Variants in ERC1 observed in about 807,000 individuals in gnomAD.
The protein encoded by ERC1 is ELKS/RAB6-interacting/CAST family member 1.
Under a neutral mutation model 132.0 loss-of-function variants are expected in ERC1, and 56 were observed. The ratio of observed to expected loss-of-function variants is 0.42; its 90% confidence interval spans 0.34 to 0.53. The LOEUF (loss-of-function observed/expected upper bound fraction) is 0.53. ERC1 is among the 20% of genes least tolerant of loss of function. The pLI, the probability that ERC1 is intolerant of heterozygous loss-of-function variation, is 0.03. For synonymous variants in ERC1, 478 were observed against 476.1 expected (o/e 1.00, Z -0.05); for missense variants, 1,202 against 1,349.9 (o/e 0.89, Z 1.72).
chr12:1,305,679 A>C (rs1296892624), intron 15 of ERC1, among the ~76,000 whole-genome samples: 1 of 152,192 alleles, frequency 6.6e-6, no homozygotes, highest in Non-Finnish European at 1.5e-5. Context: ...GGGTTCCTTC[A>C]CAATATTTAT....
intron 14 of ERC1, among the ~76,000 whole-genome samples, chr12:1,275,170 G>C (rs1594721334): frequency 6.6e-6 from 1 of 152,096 alleles, no homozygotes. Flanking sequence ...CAGAAGAGCG[G>C]TAAGACTTAT....
At chr12:1,298,916 T>C (rs1336468041) in intron 15 of ERC1, among the ~76,000 whole-genome samples, 1 of 151,752 alleles carries the variant, frequency 6.6e-6, no homozygotes, top group African/African-American at 2.4e-5. Context: ...AGACAAAGAG[T>C]ATTCCCAGAG....
intron 18 of ERC1, among the ~76,000 whole-genome samples, chr12:1,450,381 C>T (rs529481414): frequency 9.2e-5 from 14 of 152,268 alleles, no homozygotes; most frequent in Admixed American, 7.8e-4. Context: ...GTAAGGGTTT[C>T]GTATAAATGG....
chr12:1,019,825 A>G (rs1966071161), intron 1 of ERC1, among the ~76,000 whole-genome samples: 1 of 152,120 alleles, frequency 6.6e-6, no homozygotes, highest in Non-Finnish European at 1.5e-5. Context: ...CACTGTAGCC[A>G]TGAACTCTTG....
chr12:1,115,822 T>C (rs752646745), intron 6 of ERC1, 44 bp from the exon 7 acceptor site: 41 of 1,544,650 alleles, frequency 2.7e-5, no homozygotes, highest in Non-Finnish European at 3.6e-5. Flanking sequence ...AAGAGGTGTT[T>C]GTTTTATTTC....
chr12:1,290,835 GT>G (rs1360313644), intron 15 of ERC1, among the ~76,000 whole-genome samples: 8 of 151,990 alleles, frequency 5.3e-5, no homozygotes, highest in African/African-American at 9.7e-5. Flanking sequence ...CAGAGAATAG[GT>G]TTTTTTCTCC....
At position 1,193,992 on chromosome 12, in the gene ERC1, G is replaced by T. The variant is rs775004732; in HGVS notation, c.2351+3940G>T. Among the ~76,000 whole-genome samples the T allele has an allele frequency of 2.0e-5, 3 of 152,152 alleles. No individual in the cohort carries two copies. In the South Asian group the frequency reaches 6.2e-4, roughly 31 times the overall value. On this transcript the variant is annotated intron_variant, in intron 12 of 18. Transcript: ENST00000360905. ...CAAACAAACCAGAGCTTGAAAAGTC[G>T]TTAGATAAGTAAATAAATTTAGAGT...
chr12:1,444,050 C>T (rs528342026), intron 17 of ERC1: 2 of 152,812 alleles, frequency 1.3e-5, no homozygotes, highest in East Asian at 3.8e-4. Context: ...TCCCTCATCA[C>T]ATCTCTTGGC....
intron 7 of ERC1, among the ~76,000 whole-genome samples, chr12:1,130,819 G>A (rs1234970815): frequency 6.6e-6 from 1 of 152,098 alleles, no homozygotes; most frequent in Non-Finnish European, 1.5e-5. Flanking sequence ...CCATGGCTCA[G>A]TGCCCTTCAC....
At chr12:1,405,330 A>T (rs2091407124) in intron 16 of ERC1, among the ~76,000 whole-genome samples, 1 of 149,634 alleles carries the variant, frequency 6.7e-6, no homozygotes. Flanking sequence ...TGGAGGGAGG[A>T]ATTGACTTTA....
At chr12:1,393,524 C>A (rs11061742) in intron 16 of ERC1, among the ~76,000 whole-genome samples, 2,408 of 150,958 alleles carry the variant, frequency 0.016, 26 homozygotes, top group Non-Finnish European at 0.025. Context: ...ACAGAGGAGA[C>A]CCTGTCTCAA....
intron 15 of ERC1, among the ~76,000 whole-genome samples, chr12:1,296,690 G>T (rs56324058): frequency 6.6e-6 from 1 of 151,914 alleles, no homozygotes; most frequent in Non-Finnish European, 1.5e-5. Flanking sequence ...GTCAGCCACC[G>T]TGCCCAGCCT....
intron 6 of ERC1, among the ~76,000 whole-genome samples, chr12:1,114,419 G>A (rs1362893331): frequency 6.6e-6 from 1 of 152,144 alleles, no homozygotes; most frequent in East Asian, 1.9e-4. Context: ...AGATGATGAC[G>A]AAACAGATTT....
intron 3 of ERC1, among the ~76,000 whole-genome samples, chr12:1,096,913 C>T (rs960657068): frequency 6.6e-6 from 1 of 152,156 alleles, no homozygotes; most frequent in African/African-American, 2.4e-5. Context: ...TTATAGTTAT[C>T]ATGCCTTTGC....
chr12:1,295,257 A>G (rs907863646), intron 15 of ERC1, among the ~76,000 whole-genome samples: 1 of 152,192 alleles, frequency 6.6e-6, no homozygotes, highest in African/African-American at 2.4e-5. Flanking sequence ...CTCAGATTCG[A>G]AAGGTCCCCC....
chr12:1,120,020 CTT>C (rs530553035), intron 7 of ERC1, among the ~76,000 whole-genome samples: 85 of 151,944 alleles, frequency 5.6e-4, no homozygotes, highest in African/African-American at 2.0e-3. Flanking sequence ...CAAGGTTTCA[CTT>C]TGTCATTCAG....
intron 2 of ERC1, among the ~76,000 whole-genome samples, chr12:1,031,879 A>G (rs1443300731): frequency 2.0e-5 from 3 of 152,150 alleles, no homozygotes; most frequent in Non-Finnish European, 1.5e-5. Flanking sequence ...CATCAGCATC[A>G]ACAGGCATAT....
At chr12:1,381,656 C>T (rs2088682412) in intron 16 of ERC1, among the ~76,000 whole-genome samples, 1 of 152,218 alleles carries the variant, frequency 6.6e-6, no homozygotes, top group Non-Finnish European at 1.5e-5. Context: ...ATTGTTCCTA[C>T]TGATGGTATC....
chr12:1,132,057 T>C (rs1413630825), intron 7 of ERC1, among the ~76,000 whole-genome samples: 1 of 152,206 alleles, frequency 6.6e-6, no homozygotes, highest in African/African-American at 2.4e-5. Flanking sequence ...TTTTTGTGGT[T>C]TGTAAAATAT....
Sources: gnomAD v4.1 joint callset for allele counts (sites outside exome capture counted in the v4.1 genomes callset) on GRCh38, gnomAD v4.1.1 for gene constraint, MANE v1.5 for transcripts, NCBI Gene and HGNC (gene_info 2026-07-23, HGNC 2026-07-21) for gene names.